The following PALM2AKAP2 variants were observed in gnomAD, a reference collection of about 807,000 sequenced individuals.
PALM2AKAP2 encodes PALM2-AKAP2 fusion protein.
PALM2AKAP2 carries 37 observed loss-of-function variants against 71.5 expected under a neutral mutation model. That is an observed-to-expected ratio of 0.52 (90% CI 0.40 to 0.68). The LOEUF (loss-of-function observed/expected upper bound fraction) is 0.68, where lower values mean the gene tolerates loss of function less well. Among genes scored for constraint, PALM2AKAP2 ranks in the 30% least tolerant of loss-of-function variants. PALM2AKAP2 has a pLI of 0.00. For missense variants in PALM2AKAP2, 1,224 were observed against 1,191.8 expected (o/e 1.03, Z -0.40); for synonymous variants, 468 against 478.8 (o/e 0.98, Z 0.29).
intron 5 of PALM2AKAP2, 35 bp from the exon 6 acceptor site, chr9:109,931,892 T>C (rs1427327838): frequency 1.9e-6 from 3 of 1,609,100 alleles, no homozygotes; most frequent in Non-Finnish European, 2.5e-6. Context: ...CTCCCAACAC[T>C]GTGACTAATT....
In PALM2AKAP2 at chr9:109,658,277, T is replaced by C. The variant is rs947440752; in HGVS notation, c.5+17411T>C. On this transcript the variant is annotated intron_variant, in intron 1 of 6. Coordinates refer to the PALM2AKAP2 transcript ENST00000374531. The stretch of plus-strand genomic sequence containing the variant: ...GGCCATGGGATGAATGATATCACTT[T>C]GGTATTGAGTGTAGGTAGTATAGAC... Among the ~76,000 whole-genome samples, 4 of 145,866 alleles carry C rather than the reference T, an allele frequency of 2.7e-5. 1 individual carries two copies. In the South Asian group the frequency reaches 8.3e-4, roughly 30 times the overall value.
chr9:109,763,116 G>T (rs983182196), intron 1 of PALM2AKAP2, among the ~76,000 whole-genome samples: 3 of 152,112 alleles, frequency 2.0e-5, no homozygotes, highest in African/African-American at 7.2e-5. Flanking sequence ...TGAGAAGCAG[G>T]TCCCAAAAGC....
intron 1 of PALM2AKAP2, among the ~76,000 whole-genome samples, chr9:109,803,749 T>A (rs974073818): frequency 6.6e-6 from 1 of 152,204 alleles, no homozygotes; most frequent in African/African-American, 2.4e-5. Context: ...CTGCTTCTCC[T>A]CCACCCTAGT....
chr9:109,866,580 T>A (rs1437057715), intron 1 of PALM2AKAP2, among the ~76,000 whole-genome samples: 1 of 152,110 alleles, frequency 6.6e-6, no homozygotes, highest in Non-Finnish European at 1.5e-5. Context: ...GGAAAATATA[T>A]CCCTTTACAA....
chr9:109,733,445 G>T (rs1213777425), intron 1 of PALM2AKAP2, among the ~76,000 whole-genome samples: 2 of 152,148 alleles, frequency 1.3e-5, no homozygotes, highest in Non-Finnish European at 2.9e-5. Flanking sequence ...TGGCTTAATG[G>T]CTAGGCAGAG....
intron 1 of PALM2AKAP2, among the ~76,000 whole-genome samples, chr9:109,750,571 CGTGTGTGTGT>C (rs111708702): frequency 6.8e-6 from 1 of 147,204 alleles, no homozygotes; most frequent in South Asian, 2.3e-4. Context: ...TGCCCTAGGA[CGTGTGTGTGT>C]GTGTGTGTGT....
intron 1 of PALM2AKAP2, among the ~76,000 whole-genome samples, chr9:109,669,106 A>G (rs1827535928): frequency 6.6e-6 from 1 of 152,220 alleles, no homozygotes; most frequent in Non-Finnish European, 1.5e-5. Flanking sequence ...AGGGACGTAG[A>G]GGTAAGCTTA....
At chr9:109,778,040 AT>A, upstream of PALM2AKAP2, among the ~76,000 whole-genome samples, 1 of 152,286 alleles carries the variant, frequency 6.6e-6, no homozygotes, top group East Asian at 1.9e-4. Context: ...CCTTTTAAAA[AT>A]TTATTGCGGT....
chr9:110,088,722 T>TG lies in PALM2AKAP2; in HGVS notation c.156+39867_156+39868insG, dbSNP rs1200856246. Among the ~76,000 whole-genome samples the TG allele has an allele frequency of 2.7e-3, 361 of 136,036 alleles. 1 individual carries two copies. Among genetic ancestry groups the TG allele is most frequent in the Non-Finnish European group, 4.6e-3 (288 of 62,898 alleles). 89.2% of individuals were successfully genotyped at this position (136,036 alleles called of 152,430 possible). ...TTACGTGTTTTTTTTTTTTTTTTTT[T>TG]TTTTTTTTTTTTTCTGAGACAGAGT... On this transcript the variant is annotated intron_variant, in intron 1 of 3. Transcript: ENST00000374525.
chr9:109,914,512 T>C (rs563788982), intron 3 of PALM2AKAP2, among the ~76,000 whole-genome samples: 2 of 152,334 alleles, frequency 1.3e-5, no homozygotes, highest in South Asian at 2.1e-4. Flanking sequence ...GCTGAATTCA[T>C]AAACATGTGG....
chr9:110,052,615 G>A (rs1770204796), intron 1 of PALM2AKAP2, among the ~76,000 whole-genome samples: 1 of 152,096 alleles, frequency 6.6e-6, no homozygotes, highest in Non-Finnish European at 1.5e-5. Context: ...TAAAGAAATG[G>A]GGTACTTCAA....
chr9:109,818,752 A>G (rs1290193210), intron 1 of PALM2AKAP2, among the ~76,000 whole-genome samples: 2 of 152,154 alleles, frequency 1.3e-5, no homozygotes, highest in African/African-American at 4.8e-5. Flanking sequence ...TTGACACTTT[A>G]TTTCACTGTA....
intron 1 of PALM2AKAP2, chr9:109,847,578 A>G (rs1185284442): frequency 6.6e-6 from 1 of 152,252 alleles, no homozygotes; most frequent in East Asian, 1.9e-4. Flanking sequence ...CGTCTCTACT[A>G]AAAATACAAA....
chr9:110,151,432 C>T (rs1836312803), intron 2 of PALM2AKAP2, among the ~76,000 whole-genome samples: 1 of 152,174 alleles, frequency 6.6e-6, no homozygotes, highest in South Asian at 2.1e-4. Flanking sequence ...ACTCCCATTC[C>T]TGAATTAGAG....
chr9:109,745,247 G>A (rs979978180), intron 1 of PALM2AKAP2, among the ~76,000 whole-genome samples: 19 of 152,174 alleles, frequency 1.2e-4, no homozygotes, highest in African/African-American at 4.3e-4. Context: ...AGCTACTCAG[G>A]AGGCTGAGGC....
At chr9:110,109,680 A>G (rs1835201194) in intron 1 of PALM2AKAP2, among the ~76,000 whole-genome samples, 1 of 152,168 alleles carries the variant, frequency 6.6e-6, no homozygotes, top group Admixed American at 6.5e-5. Context: ...AGCAGGTTTA[A>G]CCTGAATCCT....
At chr9:109,693,720 A>G (rs1253068852) in intron 1 of PALM2AKAP2, among the ~76,000 whole-genome samples, 1 of 152,008 alleles carries the variant, frequency 6.6e-6, no homozygotes. Flanking sequence ...ATTTAGAAAT[A>G]TGTTGTTTAA....
chr9:109,735,666 G>A (rs923202210), intron 1 of PALM2AKAP2, among the ~76,000 whole-genome samples: 4 of 152,136 alleles, frequency 2.6e-5, no homozygotes, highest in African/African-American at 9.7e-5. Context: ...TCTTTATAAA[G>A]GAGCTTTATG....
At chr9:109,934,138 G>T (rs1315686915) in intron 6 of PALM2AKAP2, among the ~76,000 whole-genome samples, 1 of 152,192 alleles carries the variant, frequency 6.6e-6, no homozygotes, top group African/African-American at 2.4e-5. Context: ...AGAATTAGGA[G>T]ACATCTATTC....
Sources: allele counts gnomAD v4.1 joint callset (sites outside exome capture counted in the v4.1 genomes callset), GRCh38; gene constraint gnomAD v4.1.1; transcripts MANE v1.5; gene names NCBI Gene and HGNC (gene_info 2026-07-23, HGNC 2026-07-21).